The following SHISA9 variants were observed in gnomAD, a reference collection of about 807,000 sequenced individuals.
SHISA9 encodes the protein shisa family member 9, also known as protein shisa-9.
A neutral mutation model predicts 38.0 loss-of-function variants in SHISA9; 13 were observed. The ratio of observed to expected loss-of-function variants is 0.34; its 90% CI spans 0.22 to 0.54. SHISA9 has a LOEUF of 0.54. Ranked by LOEUF, SHISA9 falls within the 20% of genes least tolerant of loss-of-function variation. SHISA9 has a pLI of 0.91. For missense variants in SHISA9, 538 were observed against 575.8 expected, an observed-to-expected ratio of 0.93 and a Z score of 0.67; for synonymous variants, 275 against 242.0, an observed-to-expected ratio of 1.14 and a Z score of -1.27.
the SHISA9 span, among the ~76,000 whole-genome samples, chr16:13,457,944 G>GCTTCCTTC: frequency 6.7e-6 from 1 of 148,838 alleles, no homozygotes; most frequent in African/African-American, 2.5e-5. Flanking sequence ...TTCCTTCCTT[G>GCTTCCTTC]CTTCCTTCCT....
At chr16:13,481,905 G>A in the SHISA9 span, among the ~76,000 whole-genome samples, 2 of 152,194 alleles carry the variant, frequency 1.3e-5, no homozygotes, top group Non-Finnish European at 2.9e-5. Flanking sequence ...ATCTCATTAA[G>A]AGAACTCATA....
chr16:13,502,339 A>G, the SHISA9 span, among the ~76,000 whole-genome samples: 1 of 152,154 alleles, frequency 6.6e-6, no homozygotes, highest in African/African-American at 2.4e-5. Flanking sequence ...TAATGTGCAA[A>G]GGGAGGAAAA....
chr16:13,442,998 T>G, the SHISA9 span, among the ~76,000 whole-genome samples: 2 of 152,112 alleles, frequency 1.3e-5, no homozygotes, highest in African/African-American at 4.8e-5. Flanking sequence ...TCCTTTAGTT[T>G]GAGAGACTTC....
chr16:13,427,149 G>A, the SHISA9 span, among the ~76,000 whole-genome samples: 1 of 152,214 alleles, frequency 6.6e-6, no homozygotes, highest in Non-Finnish European at 1.5e-5. Flanking sequence ...GAGAGCATAT[G>A]ACTTCATCAA....
the SHISA9 span, among the ~76,000 whole-genome samples, chr16:13,297,114 A>G: frequency 1.8e-4 from 28 of 152,056 alleles, no homozygotes; most frequent in South Asian, 4.1e-4. Flanking sequence ...TCCCTATGGT[A>G]TTAGAAACTT....
intron 2 of SHISA9, among the ~76,000 whole-genome samples, chr16:12,981,590 C>A (rs2072240626): frequency 6.6e-6 from 1 of 152,194 alleles, no homozygotes; most frequent in Non-Finnish European, 1.5e-5. Context: ...GTCTAGCCAG[C>A]TCAGCATCAT....
At chr16:13,226,129 C>A (rs1309832225) in intron 4 of SHISA9, among the ~76,000 whole-genome samples, 1 of 152,216 alleles carries the variant, frequency 6.6e-6, no homozygotes, top group Non-Finnish European at 1.5e-5. Flanking sequence ...AGGGACTACA[C>A]TGCACAAAGC....
chr16:12,916,401 A>G (rs1414813802), intron 1 of SHISA9, among the ~76,000 whole-genome samples: 1 of 152,196 alleles, frequency 6.6e-6, no homozygotes, highest in East Asian at 1.9e-4. Context: ...CAGACACATT[A>G]TATGTATTCA....
the SHISA9 span, among the ~76,000 whole-genome samples, chr16:13,312,610 A>G: frequency 6.6e-6 from 1 of 152,346 alleles, no homozygotes; most frequent in East Asian, 1.9e-4. Flanking sequence ...AGAGAAGCAG[A>G]CACAGACAAG....
the SHISA9 span, among the ~76,000 whole-genome samples, chr16:13,477,173 A>C: frequency 6.6e-6 from 1 of 152,156 alleles, no homozygotes; most frequent in Non-Finnish European, 1.5e-5. Context: ...AAAATGAGTA[A>C]TAGATCTCCC....
intron 2 of SHISA9, among the ~76,000 whole-genome samples, chr16:13,196,737 A>G (rs1159656250): frequency 6.6e-6 from 1 of 152,226 alleles, no homozygotes; most frequent in Non-Finnish European, 1.5e-5. Context: ...AACTCTCTGT[A>G]CTATCTTTGC....
intron 2 of SHISA9, among the ~76,000 whole-genome samples, chr16:13,085,655 G>A (rs1464383946): frequency 6.6e-6 from 1 of 152,164 alleles, no homozygotes; most frequent in East Asian, 1.9e-4. Flanking sequence ...TAGGTGCACC[G>A]CCTGGGTGTA....
intron 2 of SHISA9, among the ~76,000 whole-genome samples, chr16:13,043,509 A>G (rs1474846180): frequency 2.0e-5 from 3 of 152,188 alleles, no homozygotes; most frequent in Non-Finnish European, 4.4e-5. Flanking sequence ...AGTTTTTGCC[A>G]TGACATTTAA....
chr16:13,224,478 T>C (rs533365294), intron 4 of SHISA9, among the ~76,000 whole-genome samples: 1 of 152,306 alleles, frequency 6.6e-6, no homozygotes, highest in South Asian at 2.1e-4. Context: ...ATCCTGCCCA[T>C]TTCTCATATT....
At chr16:12,952,314 C>T (rs2071768623) in intron 2 of SHISA9, among the ~76,000 whole-genome samples, 1 of 152,218 alleles carries the variant, frequency 6.6e-6, no homozygotes. Context: ...TGCATCTCCT[C>T]TGGCAGCCCC....
chr16:13,347,401 C>G, the SHISA9 span, among the ~76,000 whole-genome samples: 1 of 152,124 alleles, frequency 6.6e-6, no homozygotes, highest in Non-Finnish European at 1.5e-5. Context: ...TTTATTGAGT[C>G]CATCCATAAT....
the SHISA9 span, among the ~76,000 whole-genome samples, chr16:13,436,164 G>C: frequency 6.6e-6 from 1 of 152,160 alleles, no homozygotes; most frequent in Non-Finnish European, 1.5e-5. Context: ...ATTCCCAGGA[G>C]GTTAGGCATT....
chr16:13,534,829 C>T, the SHISA9 span, among the ~76,000 whole-genome samples: 1 of 152,162 alleles, frequency 6.6e-6, no homozygotes, highest in Non-Finnish European at 1.5e-5. Context: ...CCTTTCTCCT[C>T]TCCTCTTATC....
chr16:13,212,045 G>C (rs566958301), intron 3 of SHISA9, among the ~76,000 whole-genome samples: 1 of 152,136 alleles, frequency 6.6e-6, no homozygotes, highest in Non-Finnish European at 1.5e-5. Flanking sequence ...TCAGATCCAC[G>C]GGGGGGATGT....
Sources: allele counts gnomAD v4.1 joint callset (sites outside exome capture counted in the v4.1 genomes callset), GRCh38; gene constraint gnomAD v4.1.1; transcripts MANE v1.5; gene names NCBI Gene and HGNC (gene_info 2026-07-23, HGNC 2026-07-21).